The following CKAP2 variants were observed in gnomAD, a reference collection of about 807,000 sequenced individuals.
The protein encoded by CKAP2 is cytoskeleton-associated protein 2.
Under a neutral mutation model 58.4 loss-of-function variants are expected in CKAP2, and 46 were observed. That is an observed-to-expected ratio of 0.79 (90% confidence interval 0.62 to 1.01). The LOEUF (loss-of-function observed/expected upper bound fraction) is 1.01, where lower values mean the gene tolerates loss of function less well. CKAP2 is among the 50% of genes least tolerant of loss of function. CKAP2 has a pLI of 0.00. For missense variants in CKAP2, 809 were observed against 796.4 expected (o/e 1.02, Z -0.19); for synonymous variants, 293 against 280.9 (o/e 1.04, Z -0.43).
intron 7 of CKAP2, chr13:52,473,580 G>GTTAGTTGT: frequency 2.7e-6 from 1 of 372,748 alleles, no homozygotes; most frequent in East Asian, 4.3e-5. Flanking sequence ...CACAGGCAAA[G>GTTAGTTGT]TTAGTTGTTT....
chr13:52,471,998 CT>C (rs1176183504), intron 7 of CKAP2, among the ~76,000 whole-genome samples: 1 of 152,142 alleles, frequency 6.6e-6, no homozygotes, highest in Non-Finnish European at 1.5e-5. Flanking sequence ...ATTTCTCTTT[CT>C]TTTTTTCCAT....
Position 52,461,644 on chromosome 13 carries a change from G to C in CKAP2, c.818G>C (p.Arg273Thr). 6.2e-7 allele frequency: 1 copy of C among 1,614,082 alleles called. No individual in the cohort carries two copies. Among genetic ancestry groups the C allele is most frequent in the Non-Finnish European group, 8.5e-7 (1 of 1,179,994 alleles). ...TRDTVKQGIS[R>T]TSANVTIRKG... ...GACACTGTGAAACAAGGCATCAGTA[G>C]AACTTCTGCCAATGTTACAATCCGG... The change falls in exon 4 of 9, where the codon AGA (arginine) becomes ACA (threonine). Residue 273 changes from arginine to threonine, a missense_variant. Physicochemically the swap from Arg to Thr is moderately conservative, Grantham distance 71. Coordinates refer to ENST00000258607, the MANE Select transcript of CKAP2 (RefSeq NM_018204.5).
rs1958809108 is a variant in CKAP2, at chr13:52,475,026, A to G, written c.1934A>G (p.Tyr645Cys). 16 of 1,614,110 alleles carry G rather than the reference A, an allele frequency of 9.9e-6. No individual in the cohort carries two copies. In the East Asian group the frequency reaches 3.6e-4, roughly 36 times the overall value. The change falls in exon 9 of 9, where the codon TAT becomes TGT. Residue 645 changes from tyrosine to cysteine, a missense_variant. Physicochemically the swap from Tyr to Cys is radical, Grantham distance 194 (BLOSUM62 -2). Coordinates refer to ENST00000258607, the MANE Select transcript of CKAP2 (RefSeq NM_018204.5). ...TTGCCAGATATGTTAAAAGATCATT[A>G]TCCTTGTGTGTCTTCATTGGAACAG... ...SKLPDMLKDHYPCVSSLEQLT... is the reference protein window; with the variant it reads ...SKLPDMLKDHCPCVSSLEQLT...
At chr13:52,456,993 A>G (rs1480175557) in intron 2 of CKAP2, among the ~76,000 whole-genome samples, 5 of 152,016 alleles carry the variant, frequency 3.3e-5, no homozygotes, top group South Asian at 4.2e-4. Context: ...TCTGGGTTCA[A>G]GTGAATCTCC....
intron 7 of CKAP2, among the ~76,000 whole-genome samples, chr13:52,472,754 A>C (rs777817232): frequency 3.0e-4 from 46 of 152,236 alleles, no homozygotes; most frequent in Admixed American, 2.0e-3. Context: ...TTTGTTAATA[A>C]GTTCTGACTT....
intron 4 of CKAP2, 48 bp from the exon 5 acceptor site, chr13:52,462,315 T>C: frequency 6.7e-7 from 1 of 1,494,342 alleles, no homozygotes; most frequent in Non-Finnish European, 9.2e-7. Flanking sequence ...TTTGACAGAG[T>C]TCTGTCAGCA....
chr13:52,473,308 A>G (rs1378653334), intron 7 of CKAP2, among the ~76,000 whole-genome samples: 2 of 151,934 alleles, frequency 1.3e-5, no homozygotes, highest in East Asian at 3.9e-4. Flanking sequence ...AATTTTTTTT[A>G]CCAAACTTCT....
At chr13:52,459,520 G>T (rs1487339097) in intron 2 of CKAP2, among the ~76,000 whole-genome samples, 1 of 152,048 alleles carries the variant, frequency 6.6e-6, no homozygotes, top group South Asian at 2.1e-4. Context: ...ACAGGGTTTC[G>T]CCGTGTTGGC....
intron 7 of CKAP2, among the ~76,000 whole-genome samples, chr13:52,470,759 GAT>G (rs1379807606): frequency 6.6e-6 from 1 of 152,210 alleles, no homozygotes; most frequent in Admixed American, 6.5e-5. Flanking sequence ...TATATGATCT[GAT>G]CTTACTAGTA....
intron 7 of CKAP2, among the ~76,000 whole-genome samples, chr13:52,469,886 G>A (rs543938538): frequency 1.3e-5 from 2 of 149,456 alleles, no homozygotes; most frequent in Non-Finnish European, 3.0e-5. Context: ...GTGAGCCACC[G>A]TGAAATAATA....
chr13:52,476,058 A>G lies in CKAP2; in HGVS notation c.*917A>G, dbSNP rs902783862. ...ACTGTTAAGTCATGTCCCTTGAAAC[A>G]TGATAGTTACATACACAGTTTTCTC... On this transcript the variant is annotated 3_prime_UTR_variant, in exon 9 of 9. Transcript: ENST00000258607. 4.6e-5 allele frequency: 7 copies of G among 152,236 alleles called. No individual in the cohort carries two copies. Among genetic ancestry groups the G allele is most frequent in the African/African-American group, 1.4e-4 (6 of 41,452 alleles). 9.4% of individuals were successfully genotyped at this position (152,236 alleles called of 1,614,324 possible).
chr13:52,457,518 CA>C (rs1033758612), intron 2 of CKAP2, among the ~76,000 whole-genome samples: 3 of 152,122 alleles, frequency 2.0e-5, no homozygotes, highest in Non-Finnish European at 4.4e-5. Flanking sequence ...AGCAGAAAGG[CA>C]AAAGGTCCCC....
chr13:52,465,900 T>C (rs934909913), intron 6 of CKAP2: 9 of 344,084 alleles, frequency 2.6e-5, no homozygotes, highest in Admixed American at 2.0e-4. Context: ...AATGTACTCA[T>C]ATATGTATAT....
intron 7 of CKAP2, among the ~76,000 whole-genome samples, chr13:52,470,795 A>C (rs1300286681): frequency 6.6e-6 from 1 of 152,220 alleles, no homozygotes; most frequent in East Asian, 1.9e-4. Context: ...GAGCTTGAGA[A>C]GGAGGGAGAG....
chr13:52,469,790 G>T (rs953341922), intron 7 of CKAP2, among the ~76,000 whole-genome samples: 4 of 149,300 alleles, frequency 2.7e-5, no homozygotes, highest in South Asian at 4.3e-4. Context: ...TAGAGACGGG[G>T]TTTCACCTTG....
intron 5 of CKAP2, among the ~76,000 whole-genome samples, chr13:52,464,941 T>C (rs1372921216): frequency 6.6e-6 from 1 of 152,196 alleles, no homozygotes; most frequent in Non-Finnish European, 1.5e-5. Context: ...TACTATGAAC[T>C]TTTTCTGCCC....
In CKAP2 at chr13:52,475,939, TATC is replaced by T. The variant is rs560189146; in HGVS notation, c.*801_*803del. On this transcript the variant is annotated 3_prime_UTR_variant, in exon 9 of 9. Coordinates refer to ENST00000258607, the MANE Select transcript of CKAP2 (RefSeq NM_018204.5). Reference sequence around the variant, plus strand: ...TTAGAATGGAGTTAGGGAAAGAACATATCATACTGAACAAATGTCATTCTAGTT... The same window carrying T: ...TTAGAATGGAGTTAGGGAAAGAACATATACTGAACAAATGTCATTCTAGTT... The T allele has an allele frequency of 4.0e-3, 613 of 152,362 alleles. 3 individuals carry two copies. The highest frequency in any genetic ancestry group is 0.014 in the African/African-American group (584 of 41,588). 9.4% of individuals were successfully genotyped at this position (152,362 alleles called of 1,614,324 possible). A position where few individuals can be genotyped will look rare whatever the true frequency, so the allele number is the denominator to read the frequency against.
chr13:52,461,745 A>T lies in CKAP2; in HGVS notation c.919A>T (p.Ile307Leu). The T allele has an allele frequency of 6.2e-7, 1 of 1,613,612 alleles. No homozygotes were observed. Among genetic ancestry groups the T allele is most frequent in the Non-Finnish European group, 8.5e-7 (1 of 1,179,600 alleles). Reference sequence around the variant, plus strand: ...TGTCAAAACCAGTTCTTCTCAAGGTATAATAAGAAATAAGACTCTATCAAG... The same window carrying T: ...TGTCAAAACCAGTTCTTCTCAAGGTTTAATAAGAAATAAGACTCTATCAAG... ...SSVKTSSSQG[I>L]IRNKTLSRSI... Residue 307 changes from isoleucine to leucine, a missense_variant, in exon 4 of 9, where the codon ATA becomes TTA. By Grantham distance (5) the Ile-to-Leu change is conservative. Transcript: ENST00000258607.
Position 52,475,285 on chromosome 13 carries a change from C to A in CKAP2, c.*144C>A. 1.0e-6 allele frequency: 1 copy of A among 990,028 alleles called. No homozygotes were observed. Among genetic ancestry groups the A allele is most frequent in the Non-Finnish European group, 1.5e-6 (1 of 685,176 alleles). The allele number at this position is 990,028 out of a possible 1,614,324, so 61.3% of individuals were successfully genotyped here. On this transcript the variant is annotated 3_prime_UTR_variant, in exon 9 of 9. Coordinates refer to ENST00000258607, the MANE Select transcript of CKAP2 (RefSeq NM_018204.5). ...TCACGGCAGTGAGCTCCTTTACTAA[C>A]ATTCATGTTATGGCAAGAGTTGTCC...
Sources: gnomAD v4.1 joint callset for allele counts (sites outside exome capture counted in the v4.1 genomes callset) on GRCh38, gnomAD v4.1.1 for gene constraint, MANE v1.5 for transcripts, NCBI Gene and HGNC (gene_info 2026-07-23, HGNC 2026-07-21) for gene names.